NRG1: variants seen among roughly 807,000 people sequenced by gnomAD.
NRG1 encodes the protein neuregulin 1, also known as pro-neuregulin-1, membrane-bound isoform.
A neutral mutation model predicts 63.8 loss-of-function variants in NRG1; 18 were observed. The observed-to-expected ratio is 0.28, with a 90% CI of 0.19 to 0.42. The LOEUF is 0.42. Among genes scored for constraint, NRG1 ranks in the 10% least tolerant of loss-of-function variants. The probability of loss-of-function intolerance (pLI) is 1.00; values close to 1 mark genes in which losing one functional copy is unlikely to be tolerated. For synonymous variants in NRG1, 302 were observed against 301.3 expected (o/e 1.00, Z -0.02); for missense variants, 762 against 814.7 (o/e 0.94, Z 0.79).
intron 1 of NRG1, among the ~76,000 whole-genome samples, chr8:32,455,839 G>C (rs1821525686): frequency 6.6e-6 from 1 of 152,196 alleles, no homozygotes. Flanking sequence ...CCAAGCTGGA[G>C]TGCAGTGGAA....
intron 5 of NRG1, 89 bp downstream of exon 5, chr8:32,616,974 CT>C (rs1847488572): frequency 1.0e-6 from 1 of 971,124 alleles, no homozygotes; most frequent in African/African-American, 1.6e-5. Flanking sequence ...TCTTCTGCCC[CT>C]ATTAAGGGTC....
chr8:32,302,920 G>A (rs996206910), intron 1 of NRG1, among the ~76,000 whole-genome samples: 1 of 152,156 alleles, frequency 6.6e-6, no homozygotes, highest in Non-Finnish European at 1.5e-5. Context: ...GGGGGCTCAC[G>A]CCTGTAATCC....
chr8:32,430,787 G>GTT (rs35752428), intron 1 of NRG1, among the ~76,000 whole-genome samples: 25 of 134,150 alleles, frequency 1.9e-4, no homozygotes, highest in African/African-American at 5.5e-4. Flanking sequence ...AATGGTTTGG[G>GTT]TTTTTTTTTT....
chr8:32,729,183 T>G (rs1823021298), intron 6 of NRG1, among the ~76,000 whole-genome samples: 1 of 152,192 alleles, frequency 6.6e-6, no homozygotes, highest in Non-Finnish European at 1.5e-5. Context: ...TAGTAAAAAC[T>G]AATAGGACTC....
intron 1 of NRG1, among the ~76,000 whole-genome samples, chr8:32,483,272 C>A (rs1825524885): frequency 6.6e-6 from 1 of 152,222 alleles, no homozygotes; most frequent in South Asian, 2.1e-4. Context: ...GACTTCTCTT[C>A]CTTGGGGGTT....
intron 1 of NRG1, among the ~76,000 whole-genome samples, chr8:31,910,388 T>C (rs1369232735): frequency 2.6e-5 from 4 of 152,316 alleles, no homozygotes; most frequent in East Asian, 3.9e-4. Flanking sequence ...CTGTTCTCAG[T>C]GCAACAATAA....
chr8:32,309,674 T>C (rs1323163052), intron 1 of NRG1, among the ~76,000 whole-genome samples: 4 of 152,166 alleles, frequency 2.6e-5, no homozygotes, highest in African/African-American at 9.7e-5. Flanking sequence ...AGCAGTATGG[T>C]GGACTTCCTC....
At chr8:32,057,503 G>T (rs1823136846) in intron 1 of NRG1, among the ~76,000 whole-genome samples, 1 of 152,066 alleles carries the variant, frequency 6.6e-6, no homozygotes, top group Non-Finnish European at 1.5e-5. Context: ...ATTAATATGG[G>T]CCACTGGGTG....
At chr8:32,219,957 A>T (rs1845636316) in intron 1 of NRG1, among the ~76,000 whole-genome samples, 1 of 152,168 alleles carries the variant, frequency 6.6e-6, no homozygotes, top group Non-Finnish European at 1.5e-5. Context: ...TTCTGAGATC[A>T]CCAAGAATAG....
At chr8:32,514,299 ATG>A (rs545363263) in intron 1 of NRG1, among the ~76,000 whole-genome samples, 38 of 152,094 alleles carry the variant, frequency 2.5e-4, no homozygotes, top group Admixed American at 1.7e-3. Flanking sequence ...ATATATATAT[ATG>A]TATATATATT....
chr8:32,268,079 T>C (rs1012071869), intron 1 of NRG1, among the ~76,000 whole-genome samples: 4 of 152,168 alleles, frequency 2.6e-5, no homozygotes, highest in African/African-American at 9.6e-5. Context: ...CCTTATTGAC[T>C]TTGAGGCACC....
intron 1 of NRG1, among the ~76,000 whole-genome samples, chr8:32,416,550 A>C (rs909365817): frequency 1.3e-5 from 2 of 152,154 alleles, no homozygotes; most frequent in African/African-American, 4.8e-5. Flanking sequence ...TTGACCCGAA[A>C]ACTTGTTAGA....
At chr8:32,574,179 C>G (rs1044137045) in intron 1 of NRG1, among the ~76,000 whole-genome samples, 7 of 152,114 alleles carry the variant, frequency 4.6e-5, no homozygotes, top group African/African-American at 1.7e-4. Context: ...GCTGTAACCT[C>G]TCAAATTTAA....
chr8:31,919,000 G>T (rs1010948484), intron 1 of NRG1, among the ~76,000 whole-genome samples: 1 of 152,068 alleles, frequency 6.6e-6, no homozygotes, highest in Admixed American at 6.6e-5. Context: ...AGAGGTGTTT[G>T]TAGTATTATC....
At chr8:32,364,060 G>A (rs1474795845) in intron 1 of NRG1, among the ~76,000 whole-genome samples, 4 of 136,358 alleles carry the variant, frequency 2.9e-5, no homozygotes, top group Admixed American at 7.5e-5. Context: ...ACACTTTGGC[G>A]TACTTCTGAC....
chr8:31,686,829 T>A (rs1303305802), intron 1 of NRG1, among the ~76,000 whole-genome samples: 1 of 152,100 alleles, frequency 6.6e-6, no homozygotes, highest in African/African-American at 2.4e-5. Context: ...AGTGTAGTGG[T>A]GCAATTTCTG....
chr8:31,943,070 T>C (rs327356), intron 1 of NRG1, among the ~76,000 whole-genome samples: 136,793 of 152,146 alleles, frequency 0.9, 62,286 homozygotes, highest in African/African-American at 0.97. Context: ...CTTGCACATA[T>C]ACCTGTATAG....
chr8:31,902,262 G>C (rs1445888909), intron 1 of NRG1, among the ~76,000 whole-genome samples: 1 of 152,150 alleles, frequency 6.6e-6, no homozygotes, highest in East Asian at 1.9e-4. Flanking sequence ...ATCTACTTAG[G>C]GATGCCTTCA....
intron 1 of NRG1, chr8:31,641,857 T>C (rs925619469): frequency 1.3e-5 from 2 of 151,736 alleles, no homozygotes; most frequent in African/African-American, 4.8e-5. Context: ...TGATGGAGAG[T>C]GTGTCAGTTC....
Sources: gnomAD v4.1 joint callset for allele counts (sites outside exome capture counted in the v4.1 genomes callset) on GRCh38, gnomAD v4.1.1 for gene constraint, MANE v1.5 for transcripts, NCBI Gene and HGNC (gene_info 2026-07-23, HGNC 2026-07-21) for gene names.